The following EVC2 variants were observed in gnomAD, a reference collection of about 807,000 sequenced individuals.
The protein encoded by EVC2 is limbin.
In EVC2, 148 loss-of-function variants were observed where a neutral mutation model predicts 149.3. The ratio of observed to expected loss-of-function variants is 0.99; its 90% confidence interval spans 0.87 to 1.14. EVC2 has a LOEUF of 1.14. EVC2 is among the 50% of genes most tolerant of loss of function. The pLI, the probability that EVC2 is intolerant of heterozygous loss-of-function variation, is 0.00. For synonymous variants in EVC2, 776 were observed against 649.9 expected, an observed-to-expected ratio of 1.19 and a Z score of -2.95; for missense variants, 1,854 against 1,627.3, an observed-to-expected ratio of 1.14 and a Z score of -2.40.
At chr4:5,685,586 G>A in intron 5 of EVC2, 107 bp from the exon 6 acceptor site, 1 of 881,894 alleles carries the variant, frequency 1.1e-6, no homozygotes, top group South Asian at 1.5e-5. Flanking sequence ...GTGGTTCCAA[G>A]GGAGGCCACC....
chr4:5,561,548 A>C (rs1350704959), downstream of EVC2, among the ~76,000 whole-genome samples: 4 of 152,146 alleles, frequency 2.6e-5, no homozygotes, highest in South Asian at 2.1e-4. Context: ...AACCCCAGCG[A>C]AGGTACTTGT....
rs768551481 is a variant in EVC2 at position 5,663,232 on chromosome 4, C to A, written c.1020G>T (p.Glu340Asp). ...TGAACGGCAAGGGTTCCAGCTTGCT[C>A]TCATACTGCCAAACCTTCAGGAGAA... ...MLTRHRVWQY[E>D]SKLEPLPFTS... is the part of the protein sequence containing the mutation. The change falls in exon 9 of 22, where the codon GAG (glutamate) becomes GAT (aspartate). Residue 340 changes from glutamate (E) to aspartate (D), a missense_variant. By Grantham distance (45) the Glu-to-Asp change is conservative (BLOSUM62 2). Coordinates refer to ENST00000344408, the MANE Select transcript of EVC2 (RefSeq NM_147127.5). 4 of 1,614,140 alleles carry A rather than the reference C, an allele frequency of 2.5e-6. No homozygotes were observed. Among genetic ancestry groups the A allele is most frequent in the Middle Eastern group, 3.3e-4 (2 of 6,062 alleles).
chr4:5,595,496 T>A (rs1713306153), intron 16 of EVC2, among the ~76,000 whole-genome samples: 1 of 152,060 alleles, frequency 6.6e-6, no homozygotes, highest in African/African-American at 2.4e-5. Flanking sequence ...ACAAATAAAA[T>A]ACTTTACAGA....
rs4630993 is a variant in EVC2 at position 5,633,743 on chromosome 4, A to G, written c.1471-1711T>C. Among the ~76,000 whole-genome samples, 68,718 of 152,190 alleles carry G rather than the reference A, an allele frequency of 0.45. 18,878 individuals carry two copies. The highest frequency in any genetic ancestry group is 0.77 in the African/African-American group (31,860 of 41,536). Reference sequence around the variant, plus strand: ...GAAGGGGCTCCGGTGCACAGGGCAAAGGCCAGAGCTCCTTCAGGCTAAACA... The same window carrying G: ...GAAGGGGCTCCGGTGCACAGGGCAAGGGCCAGAGCTCCTTCAGGCTAAACA... On this transcript the variant is annotated intron_variant, in intron 10 of 21. Coordinates refer to ENST00000344408, the MANE Select transcript of EVC2 (RefSeq NM_147127.5). The surrounding 1 kb of genome is among the most constrained non-coding windows in gnomAD (Gnocchi z 4.4).
chr4:5,626,334 T>G (rs946068540), intron 12 of EVC2, among the ~76,000 whole-genome samples: 6 of 145,946 alleles, frequency 4.1e-5, no homozygotes, highest in African/African-American at 1.5e-4. Context: ...TCTTCTTGTT[T>G]TTTTTTTTTT....
the EVC2 span, among the ~76,000 whole-genome samples, chr4:5,530,342 T>C: frequency 6.6e-6 from 1 of 152,230 alleles, no homozygotes; most frequent in Non-Finnish European, 1.5e-5. Flanking sequence ...GAGGATCCCA[T>C]GAACCTTTCC....
At chr4:5,665,277 C>T (rs1381571810) in intron 8 of EVC2, among the ~76,000 whole-genome samples, 2 of 152,010 alleles carry the variant, frequency 1.3e-5, no homozygotes, top group African/African-American at 2.4e-5. Flanking sequence ...GCCTAGGAAT[C>T]GCCACTGGAC....
At chr4:5,653,108 T>C (rs1048597809) in intron 9 of EVC2, among the ~76,000 whole-genome samples, 1 of 152,034 alleles carries the variant, frequency 6.6e-6, no homozygotes, top group Non-Finnish European at 1.5e-5. Context: ...TCACATGGGG[T>C]CCCTCCTGTG....
At chr4:5,604,747 C>A (rs1027461150) in intron 16 of EVC2, among the ~76,000 whole-genome samples, 3 of 151,882 alleles carry the variant, frequency 2.0e-5, no homozygotes, top group Non-Finnish European at 2.9e-5. Context: ...TGATAGATAT[C>A]CTAAATACCC....
In EVC2 at chr4:5,668,512, G is replaced by C. The variant is rs538426731; in HGVS notation, c.871-2863C>G. Among the ~76,000 whole-genome samples the C allele has an allele frequency of 7.2e-5, 11 of 152,198 alleles. No individual in the cohort carries two copies. In the South Asian group the frequency reaches 2.1e-3, roughly 29 times the overall value. ...CCATTTGTTCTGGACATGTCCCTCTGCTCCCTGAGCCCTGAGTGTGTACCT... is the reference window on the plus strand; with the variant it reads ...CCATTTGTTCTGGACATGTCCCTCTCCTCCCTGAGCCCTGAGTGTGTACCT... On this transcript the variant is annotated intron_variant, in intron 7 of 21. Coordinates refer to ENST00000344408, the MANE Select transcript of EVC2 (RefSeq NM_147127.5).
chr4:5,688,171 T>A (rs1213986783), intron 5 of EVC2, among the ~76,000 whole-genome samples: 1 of 152,192 alleles, frequency 6.6e-6, no homozygotes. Flanking sequence ...AGGTCACTAC[T>A]TGTGGGCAAG....
At chr4:5,706,433 GATAGATAGATAGATAC>G (rs1577281754) in intron 1 of EVC2, among the ~76,000 whole-genome samples, 1 of 25,716 alleles carries the variant, frequency 3.9e-5, no homozygotes, top group Non-Finnish European at 1.0e-4. Flanking sequence ...TAGATACATA[GATAGATAGATAGATAC>G]ATACATACAT....
chr4:5,691,670 G>C (rs747409566), intron 3 of EVC2, among the ~76,000 whole-genome samples: 1 of 152,118 alleles, frequency 6.6e-6, no homozygotes, highest in Non-Finnish European at 1.5e-5. Flanking sequence ...AACATGTACC[G>C]TGTGCTTACC....
rs1193614602 is a variant in EVC2, at chr4:5,633,759, A to G, written c.1471-1727T>C. The stretch of plus-strand genomic sequence containing the variant: ...ACAGGGCAAAGGCCAGAGCTCCTTC[A>G]GGCTAAACAAGGTTGGAATGCTCTA... On this transcript the variant is annotated intron_variant, in intron 10 of 21. Coordinates refer to ENST00000344408, the MANE Select transcript of EVC2 (RefSeq NM_147127.5). This position sits in a 1 kb window ranked among gnomAD's most constrained non-coding sequence, Gnocchi z 4.4. Among the ~76,000 whole-genome samples, 2 of 152,248 alleles carry G rather than the reference A, an allele frequency of 1.3e-5. No homozygotes were observed. The highest frequency in any genetic ancestry group is 4.8e-5 in the African/African-American group (2 of 41,468).
At chr4:5,582,570 T>A (rs1251846852) in intron 17 of EVC2, among the ~76,000 whole-genome samples, 4 of 152,244 alleles carry the variant, frequency 2.6e-5, no homozygotes, top group African/African-American at 9.6e-5. Context: ...AATGGACTTA[T>A]AATTGTCTCA....
intron 8 of EVC2, among the ~76,000 whole-genome samples, chr4:5,664,713 G>T (rs923812596): frequency 2.6e-5 from 4 of 152,272 alleles, no homozygotes; most frequent in African/African-American, 9.6e-5. Context: ...GCAGGACTAA[G>T]CCCCAGGGCA....
intron 1 of EVC2, 102 bp from the exon 2 acceptor site, chr4:5,697,749 T>TC: frequency 3.9e-6 from 4 of 1,025,486 alleles, no homozygotes; most frequent in Non-Finnish European, 5.8e-6. Context: ...ACATGCACTT[T>TC]TTTTTTTTTT....
At chr4:5,563,240 A>C in intron 21 of EVC2, 125 bp from the exon 22 acceptor site, 1 of 955,864 alleles carries the variant, frequency 1.0e-6, no homozygotes, top group Non-Finnish European at 1.6e-6. Flanking sequence ...TTTTAACAAA[A>C]GGTTATTTTC....
In EVC2 at chr4:5,625,860, A is replaced by T; in HGVS notation, c.1935T>A (p.Ala645=). ...GCTTGATTGAAAAGACTTCTGTCTG[A>T]GCCCGCTCCAATAGCATTTCCATTT... is the stretch of plus-strand genomic sequence containing the variant. ...EDQMEMLLER[A]QTEVFSIKQK... Residue 645 remains alanine (A), a synonymous_variant, in exon 13 of 22, where the codon GCT becomes GCA. Transcript: ENST00000344408. The surrounding 1 kb of genome is among the most constrained non-coding windows in gnomAD (Gnocchi z 4.0). 3 of 1,614,094 alleles carry T rather than the reference A, an allele frequency of 1.9e-6. No homozygotes were observed. Among genetic ancestry groups the T allele is most frequent in the Non-Finnish European group, 2.5e-6 (3 of 1,180,030 alleles).
Sources: gnomAD v4.1 joint callset for allele counts (sites outside exome capture counted in the v4.1 genomes callset) on GRCh38, gnomAD v4.1.1 for gene constraint, Gnocchi (gnomAD v3.1) non-coding constraint, MANE v1.5 for transcripts, NCBI Gene and HGNC (gene_info 2026-07-23, HGNC 2026-07-21) for gene names.